The following TLE4 variants were observed in gnomAD, a reference collection of about 807,000 sequenced individuals.
The protein encoded by TLE4 is transducin-like enhancer protein 4.
Under a neutral mutation model 92.8 loss-of-function variants are expected in TLE4, and 8 were observed. The observed-to-expected ratio is 0.09, with a 90% CI of 0.05 to 0.16. The LOEUF is 0.16. Among genes scored for constraint, TLE4 ranks in the 10% least tolerant of loss-of-function variants. The pLI is 1.00. For synonymous variants in TLE4, 371 were observed against 374.1 expected (o/e 0.99, Z 0.10); for missense variants, 675 against 997.6 (o/e 0.68, Z 4.36).
intron 8 of TLE4, among the ~76,000 whole-genome samples, chr9:79,679,305 C>G (rs983036177): frequency 6.6e-6 from 1 of 152,020 alleles, no homozygotes; most frequent in East Asian, 1.9e-4. Flanking sequence ...CTTTAATGAT[C>G]GCCATTCTAA....
intron 14 of TLE4, among the ~76,000 whole-genome samples, chr9:79,710,617 G>A (rs1052198538): frequency 1.3e-5 from 2 of 152,126 alleles, no homozygotes; most frequent in African/African-American, 4.8e-5. Context: ...CCTGCCTTGA[G>A]GTATTTTGTC....
At chr9:79,647,641 A>G (rs952396489) in intron 6 of TLE4, among the ~76,000 whole-genome samples, 1 of 152,180 alleles carries the variant, frequency 6.6e-6, no homozygotes, top group African/African-American at 2.4e-5. Flanking sequence ...TCATGCTGAT[A>G]TTAGTTGGTA....
At chr9:79,642,205 T>C (rs1482004179) in intron 6 of TLE4, among the ~76,000 whole-genome samples, 1 of 151,454 alleles carries the variant, frequency 6.6e-6, no homozygotes, top group Non-Finnish European at 1.5e-5. Context: ...CTAAAGCAGA[T>C]AGGCTTTTTA....
intron 4 of TLE4, chr9:79,601,445 C>A (rs766106876): frequency 4.4e-6 from 2 of 455,938 alleles, no homozygotes; most frequent in Non-Finnish European, 8.8e-6. Flanking sequence ...AAGGCTGTAG[C>A]AACCCTGAAT....
chr9:79,691,821 C>T (rs925991560), intron 8 of TLE4, among the ~76,000 whole-genome samples: 4 of 152,230 alleles, frequency 2.6e-5, no homozygotes, highest in African/African-American at 7.2e-5. Flanking sequence ...TCAGTCTCAG[C>T]ATCTTATGTT....
chr9:79,573,659 C>A, intron 1 of TLE4, 30 bp from the exon 2 acceptor site: 1 of 1,553,516 alleles, frequency 6.4e-7, no homozygotes, highest in Non-Finnish European at 8.8e-7. Flanking sequence ...GTGATGTGGG[C>A]TAATTAAATA....
chr9:79,676,529 A>T (rs540506225), intron 8 of TLE4, among the ~76,000 whole-genome samples: 5 of 152,156 alleles, frequency 3.3e-5, no homozygotes, highest in African/African-American at 7.2e-5. Context: ...GATGGCAGGG[A>T]AAAAGGGAAT....
At chr9:79,666,659 G>A (rs2061457094) in intron 8 of TLE4, among the ~76,000 whole-genome samples, 1 of 152,190 alleles carries the variant, frequency 6.6e-6, no homozygotes, top group South Asian at 2.1e-4. Flanking sequence ...TGTTTTAAAA[G>A]CAGTAATAGA....
chr9:79,637,246 G>T (rs957537793), intron 6 of TLE4, among the ~76,000 whole-genome samples: 1 of 152,170 alleles, frequency 6.6e-6, no homozygotes, highest in African/African-American at 2.4e-5. Context: ...TATTCGCTCT[G>T]TGTTAAGCAT....
At chr9:79,718,210 C>G (rs574793819) in intron 14 of TLE4, 1 of 388,758 alleles carries the variant, frequency 2.6e-6, no homozygotes, top group South Asian at 2.0e-5. Flanking sequence ...GTCATTTCAA[C>G]GTCTAAGCCT....
chr9:79,663,787 A>G (rs1008796150), intron 8 of TLE4, among the ~76,000 whole-genome samples: 6 of 152,050 alleles, frequency 3.9e-5, no homozygotes, highest in Admixed American at 3.3e-4. Context: ...AAGTTGTGGC[A>G]GTTTTGGGGG....
intron 6 of TLE4, among the ~76,000 whole-genome samples, chr9:79,644,252 G>T (rs1313455927): frequency 6.6e-6 from 1 of 152,082 alleles, no homozygotes; most frequent in East Asian, 1.9e-4. Context: ...GTGAAGAAGG[G>T]CATGTTTGCT....
chr9:79,574,002 A>C, intron 2 of TLE4: 1 of 351,790 alleles, frequency 2.8e-6, no homozygotes, highest in Admixed American at 4.6e-5. Context: ...AAGAAGGCAG[A>C]ACAATCGAAA....
chr9:79,604,271 A>T (rs1172893806), intron 4 of TLE4, among the ~76,000 whole-genome samples: 1 of 152,064 alleles, frequency 6.6e-6, no homozygotes, highest in Non-Finnish European at 1.5e-5. Flanking sequence ...AGGAAGAGGG[A>T]CTGTCTCCTT....
At chr9:79,724,880 A>AAAAAAAAAAAAAAAAC (rs1565242153) in intron 19 of TLE4, among the ~76,000 whole-genome samples, 157 bp from the exon 20 acceptor site, 1 of 148,688 alleles carries the variant, frequency 6.7e-6, no homozygotes, top group African/African-American at 2.5e-5. Flanking sequence ...AAAAAAAAAA[A>AAAAAAAAAAAAAAAAC]AGCAGCAGTA....
At position 79,572,654 on chromosome 9, in the gene TLE4, GGC is replaced by G. The variant is rs1206002911; in HGVS notation, c.-135_-134del. ...CTGCCGCCCGTGTCACGCGAGACCC[GGC>G]GGGGGCCGGGACCGCCCGAGCCGCC... On this transcript the variant is annotated 5_prime_UTR_variant, in exon 1 of 20. An upstream open reading frame in the 5' UTR loses its in-frame stop. Coordinates refer to ENST00000376552, the MANE Select transcript of TLE4 (RefSeq NM_007005.6). 4 of 595,484 alleles carry G rather than the reference GGC, an allele frequency of 6.7e-6. No homozygotes were observed. In the East Asian group the frequency reaches 1.6e-4, roughly 24 times the overall value. The allele number at this position is 595,484 out of a possible 1,614,324, so 36.9% of individuals were successfully genotyped here.
chr9:79,573,167 C>A, intron 1 of TLE4: 1 of 869,668 alleles, frequency 1.1e-6, no homozygotes, highest in Non-Finnish European at 1.4e-6. Context: ...CGCGCCCGGG[C>A]GGGGAGGGCG....
intron 6 of TLE4, among the ~76,000 whole-genome samples, chr9:79,647,428 G>A (rs1477125999): frequency 1.3e-5 from 2 of 152,070 alleles, no homozygotes; most frequent in Non-Finnish European, 2.9e-5. Context: ...AAAAATAAAT[G>A]CACTTTTCAT....
intron 8 of TLE4, among the ~76,000 whole-genome samples, chr9:79,677,115 T>G (rs182802567): frequency 1.3e-5 from 2 of 152,254 alleles, no homozygotes; most frequent in African/African-American, 4.8e-5. Context: ...TAGATTCTTT[T>G]TAATAGTAAC....
Sources: allele counts gnomAD v4.1 joint callset (sites outside exome capture counted in the v4.1 genomes callset), GRCh38; gene constraint gnomAD v4.1.1; transcripts MANE v1.5; gene names NCBI Gene and HGNC (gene_info 2026-07-23, HGNC 2026-07-21).